LRBA: variants seen among roughly 807,000 people sequenced by gnomAD.
The protein encoded by LRBA is lipopolysaccharide-responsive and beige-like anchor protein.
Under a neutral mutation model 330.0 loss-of-function variants are expected in LRBA, and 176 were observed. The observed-to-expected ratio is 0.53, with a 90% CI of 0.47 to 0.60. LRBA has a LOEUF of 0.60. Ranked by LOEUF, LRBA falls within the 20% of genes least tolerant of loss-of-function variation. The pLI, the probability that LRBA is intolerant of heterozygous loss-of-function variation, is 0.00. For missense variants in LRBA, 3,259 were observed against 3,444.8 expected (o/e 0.95, Z 1.35); for synonymous variants, 1,230 against 1,193.0 (o/e 1.03, Z -0.64).
At chr4:150,622,688 C>CTTTTTT (rs10528461) in intron 37 of LRBA, among the ~76,000 whole-genome samples, 18 of 105,662 alleles carry the variant, frequency 1.7e-4, no homozygotes, top group African/African-American at 7.5e-4. Flanking sequence ...CTAAATCAAT[C>CTTTTTT]TTTTTTTTTT....
At chr4:150,283,155 C>CT (rs1053738678) in intron 54 of LRBA, among the ~76,000 whole-genome samples, 11 of 152,176 alleles carry the variant, frequency 7.2e-5, no homozygotes, top group African/African-American at 2.2e-4. Flanking sequence ...CTGCTCACTA[C>CT]TTTTTTTACA....
At chr4:150,894,719 T>C (rs1435717703) in intron 16 of LRBA, among the ~76,000 whole-genome samples, 1 of 152,184 alleles carries the variant, frequency 6.6e-6, no homozygotes, top group Non-Finnish European at 1.5e-5. Context: ...AAGTGTTATT[T>C]AGAGGACCTG....
intron 22 of LRBA, among the ~76,000 whole-genome samples, chr4:150,864,128 G>A (rs769713642): frequency 1.3e-4 from 20 of 152,032 alleles, no homozygotes; most frequent in Non-Finnish European, 2.6e-4. Context: ...AGTAGAGACA[G>A]GGTTTCACCA....
intron 53 of LRBA, 121 bp from the exon 54 acceptor site, chr4:150,286,155 CA>C: frequency 5.6e-6 from 4 of 720,068 alleles, no homozygotes; most frequent in Non-Finnish European, 9.3e-6. Context: ...ATTTGTCCAG[CA>C]ATCCTACTTT....
At position 150,852,445 on chromosome 4, in the gene LRBA, C is replaced by T; in HGVS notation, c.3265G>A (p.Asp1089Asn). ...TASISSPSEEDASEMPEFLDK... is the reference protein window; with the variant it reads ...TASISSPSEENASEMPEFLDK... The stretch of plus-strand genomic sequence containing the variant: ...AAGAATTCTGGCATCTCTGAGGCAT[C>T]CTCTTCTGAAGGAGAACTTATAGAA... Residue 1089 changes from aspartate (D) to asparagine (N), a missense_variant, in exon 23 of 57, where the codon GAT becomes AAT. By Grantham distance (23) the Asp-to-Asn change is conservative. Transcript: ENST00000651943. 1 of 1,613,576 alleles carries T rather than the reference C, an allele frequency of 6.2e-7. No homozygotes were observed. The highest frequency in any genetic ancestry group is 8.5e-7 in the Non-Finnish European group (1 of 1,180,002).
chr4:150,268,924 GA>G (rs1745711721), intron 56 of LRBA, among the ~76,000 whole-genome samples: 1 of 152,140 alleles, frequency 6.6e-6, no homozygotes, highest in Non-Finnish European at 1.5e-5. Flanking sequence ...ATCCAAATTG[GA>G]AAGGAGGAGT....
chr4:150,933,259 G>A (rs974763177), intron 2 of LRBA, among the ~76,000 whole-genome samples: 5 of 151,260 alleles, frequency 3.3e-5, no homozygotes, highest in African/African-American at 4.9e-5. Flanking sequence ...ATGGTGACAC[G>A]TGCCTGTAAT....
At chr4:150,898,675 G>A (rs1730386113) in intron 14 of LRBA, among the ~76,000 whole-genome samples, 1 of 151,912 alleles carries the variant, frequency 6.6e-6, no homozygotes, top group African/African-American at 2.4e-5. Context: ...AGAGTTAGAA[G>A]AGGATCACAA....
At chr4:150,463,548 T>G (rs1755046506) in intron 44 of LRBA, among the ~76,000 whole-genome samples, 1 of 152,002 alleles carries the variant, frequency 6.6e-6, no homozygotes, top group African/African-American at 2.4e-5. Context: ...GCCCCCCCTT[T>G]TTTACTTTTA....
At chr4:150,876,948 T>C (rs1256818775) in intron 17 of LRBA, among the ~76,000 whole-genome samples, 1 of 152,158 alleles carries the variant, frequency 6.6e-6, no homozygotes, top group Non-Finnish European at 1.5e-5. Context: ...CTCATCCATC[T>C]ACTGTCTTTA....
intron 40 of LRBA, among the ~76,000 whole-genome samples, chr4:150,496,201 T>C (rs927369227): frequency 3.9e-5 from 6 of 152,170 alleles, no homozygotes; most frequent in Non-Finnish European, 4.4e-5. Flanking sequence ...GTCCTACAAA[T>C]AGTATACTAT....
At chr4:150,780,560 T>A (rs1019064841) in intron 34 of LRBA, among the ~76,000 whole-genome samples, 150 of 46,966 alleles carry the variant, frequency 3.2e-3, no homozygotes, top group African/African-American at 8.4e-3. Flanking sequence ...GTAACTCTTA[T>A]CAAATATTTA....
At chr4:150,660,413 C>A (rs1480878430) in intron 37 of LRBA, among the ~76,000 whole-genome samples, 9 of 144,074 alleles carry the variant, frequency 6.2e-5, no homozygotes, top group African/African-American at 2.2e-4. Context: ...CGCCTCTGCC[C>A]GGCTGCCCCT....
intron 55 of LRBA, among the ~76,000 whole-genome samples, chr4:150,278,572 C>T (rs1747108645): frequency 6.6e-6 from 1 of 152,180 alleles, no homozygotes; most frequent in Non-Finnish European, 1.5e-5. Context: ...CCAGGGCTGA[C>T]AGTGCTCCAG....
At chr4:150,282,325 T>C in intron 55 of LRBA, 125 bp downstream of exon 55, 1 of 781,292 alleles carries the variant, frequency 1.3e-6, no homozygotes, top group Non-Finnish European at 2.1e-6. Context: ...AGATTTTTTG[T>C]TGGTATGGAA....
chr4:150,906,336 G>A lies in LRBA; in HGVS notation c.1563C>T (p.Ala521=). 6.2e-7 allele frequency: 1 copy of A among 1,611,688 alleles called. No homozygotes were observed. The highest frequency in any genetic ancestry group is 8.5e-7 in the Non-Finnish European group (1 of 1,178,120). The change falls in exon 12 of 57, where the codon GCC becomes GCT. Residue 521 remains alanine (A), a synonymous_variant. Transcript: ENST00000651943. ...NSIAMQEQML[A]CKGFLVIGYS... is the part of the protein sequence containing the mutation. ...ATCCTATTACCAAGAAGCCCTTACA[G>A]GCAAGCATCTGTTCCTGCATAGCAA...
intron 46 of LRBA, among the ~76,000 whole-genome samples, chr4:150,434,449 C>T (rs1750827288): frequency 6.6e-6 from 1 of 152,120 alleles, no homozygotes; most frequent in African/African-American, 2.4e-5. Flanking sequence ...CTTTTAGAAC[C>T]AGCAGCAGGC....
chr4:150,868,757 G>A (rs1753057482), intron 20 of LRBA, among the ~76,000 whole-genome samples: 1 of 152,008 alleles, frequency 6.6e-6, no homozygotes. Flanking sequence ...GGCCAACATG[G>A]CAAAACCCCA....
In LRBA at chr4:150,302,723, A is replaced by G. The variant is rs776007374; in HGVS notation, c.7919T>C (p.Ile2640Thr). The G allele has an allele frequency of 1.2e-6, 2 of 1,612,422 alleles. No individual in the cohort carries two copies. Among genetic ancestry groups the G allele is most frequent in the East Asian group, 2.2e-5 (1 of 44,790 alleles). Residue 2640 changes from isoleucine to threonine, a missense_variant, in exon 53 of 57, where the codon ATT becomes ACT. Physicochemically the swap from Ile to Thr is moderately conservative, Grantham distance 89. Transcript: ENST00000651943. ...TGAGAGAATGTAGCAATTTCCCCCAATATATGACTCAGAACGAGCAAGGCA... is the reference window on the plus strand; with the variant it reads ...TGAGAGAATGTAGCAATTTCCCCCAGTATATGACTCAGAACGAGCAAGGCA... ...VTCLARSESYIGGNCYILSGS... is the reference protein window; with the variant it reads ...VTCLARSESYTGGNCYILSGS...
Sources: allele counts gnomAD v4.1 joint callset (sites outside exome capture counted in the v4.1 genomes callset), GRCh38; gene constraint gnomAD v4.1.1; transcripts MANE v1.5; gene names NCBI Gene and HGNC (gene_info 2026-07-23, HGNC 2026-07-21).